The following CNTN4 variants were observed in gnomAD, a reference collection of about 807,000 sequenced individuals.
CNTN4 encodes contactin-4.
CNTN4 carries 77 observed loss-of-function variants against 122.5 expected under a neutral mutation model. That is an observed-to-expected ratio of 0.63 (90% CI 0.52 to 0.76). The LOEUF (loss-of-function observed/expected upper bound fraction) is 0.76, where lower values mean the gene tolerates loss of function less well. Ranked by LOEUF, CNTN4 falls within the 30% of genes least tolerant of loss-of-function variation. CNTN4 has a pLI of 0.00. For missense variants in CNTN4, 1,256 were observed against 1,259.1 expected (o/e 1.00, Z 0.04); for synonymous variants, 512 against 447.0 (o/e 1.15, Z -1.83).
At chr3:2,708,100 G>A (rs1030964172) in intron 4 of CNTN4, among the ~76,000 whole-genome samples, 6 of 152,100 alleles carry the variant, frequency 3.9e-5, no homozygotes, top group Non-Finnish European at 7.4e-5. Context: ...TGCCTTCAGG[G>A]TAGGAAGCTG....
chr3:2,168,048 G>A (rs528214654), intron 2 of CNTN4, among the ~76,000 whole-genome samples: 11 of 152,234 alleles, frequency 7.2e-5, no homozygotes, highest in Admixed American at 3.9e-4. Context: ...CAGGAGGATC[G>A]CTTGAGTCCA....
At chr3:2,608,778 A>T (rs2081362598) in intron 4 of CNTN4, among the ~76,000 whole-genome samples, 1 of 152,236 alleles carries the variant, frequency 6.6e-6, no homozygotes, top group Admixed American at 6.5e-5. Context: ...GAGCAACTGC[A>T]CTTTGCCCCT....
intron 2 of CNTN4, among the ~76,000 whole-genome samples, chr3:2,150,366 C>T (rs747472331): frequency 9.9e-5 from 15 of 152,172 alleles, no homozygotes; most frequent in Non-Finnish European, 1.8e-4. Flanking sequence ...TATTTCTTAA[C>T]GTAGACTTCT....
chr3:2,778,213 C>CAAATAAATAAAT (rs60613605), intron 6 of CNTN4, among the ~76,000 whole-genome samples: 3,493 of 118,296 alleles, frequency 0.03, 55 homozygotes, highest in Non-Finnish European at 0.041. Flanking sequence ...GACTCCGTCT[C>CAAATAAATAAAT]AAATAAATAA....
At chr3:2,706,091 A>G (rs1257262625) in intron 4 of CNTN4, among the ~76,000 whole-genome samples, 2 of 149,382 alleles carry the variant, frequency 1.3e-5, no homozygotes, top group Non-Finnish European at 1.5e-5. Flanking sequence ...TAAAGTTCTC[A>G]TCTTCTTTGG....
At chr3:2,416,820 A>AT (rs1386085270) in intron 3 of CNTN4, among the ~76,000 whole-genome samples, 1 of 151,858 alleles carries the variant, frequency 6.6e-6, no homozygotes. Flanking sequence ...CGCCCGGCTA[A>AT]TTTTTTTGTA....
At position 3,026,323 on chromosome 3, in the gene CNTN4, C is replaced by G. The variant is rs765428792; in HGVS notation, c.1662+46C>G. 9.6e-6 allele frequency: 14 copies of G among 1,461,882 alleles called. No homozygotes were observed. The South Asian group carries it at 1.6e-4, about 17-fold the overall frequency. The allele number at this position is 1,461,882 out of a possible 1,614,324, so 90.6% of individuals were successfully genotyped here. A position where few individuals can be genotyped will look rare whatever the true frequency, so the allele number is the denominator to read the frequency against. ...CTGACTCAAACTAACTTGTTTAGAC[C>G]AACTTAACAATATATTTAAAGTTAC... On this transcript the variant is annotated intron_variant, in intron 15 of 24. Coordinates refer to ENST00000418658, the MANE Select transcript of CNTN4 (RefSeq NM_175607.3).
chr3:2,298,357 A>T (rs1207004727), intron 2 of CNTN4, among the ~76,000 whole-genome samples: 1 of 152,130 alleles, frequency 6.6e-6, no homozygotes, highest in African/African-American at 2.4e-5. Context: ...AGTCAGAATT[A>T]GTATATTAAT....
At chr3:2,653,238 C>T (rs186901472) in intron 4 of CNTN4, among the ~76,000 whole-genome samples, 23 of 151,986 alleles carry the variant, frequency 1.5e-4, no homozygotes, top group African/African-American at 5.3e-4. Flanking sequence ...TTTTATTAAT[C>T]ATTAAGTTAT....
At chr3:2,528,638 G>T (rs1252133092) in intron 3 of CNTN4, among the ~76,000 whole-genome samples, 1 of 152,102 alleles carries the variant, frequency 6.6e-6, no homozygotes, top group Non-Finnish European at 1.5e-5. Context: ...GCATTATTGA[G>T]ATTATAGGTG....
At chr3:2,471,466 A>T (rs767925072) in intron 3 of CNTN4, among the ~76,000 whole-genome samples, 7 of 152,220 alleles carry the variant, frequency 4.6e-5, no homozygotes, top group Non-Finnish European at 8.8e-5. Flanking sequence ...TTCTAGAACT[A>T]ATGGAATAAT....
intron 3 of CNTN4, among the ~76,000 whole-genome samples, chr3:2,428,666 G>C (rs2047939388): frequency 6.6e-6 from 1 of 152,092 alleles, no homozygotes; most frequent in Non-Finnish European, 1.5e-5. Flanking sequence ...CTGCAGAGTG[G>C]TTTTCCAACT....
At chr3:2,472,243 TC>T (rs2075707853) in intron 3 of CNTN4, among the ~76,000 whole-genome samples, 1 of 152,156 alleles carries the variant, frequency 6.6e-6, no homozygotes, top group Admixed American at 6.5e-5. Flanking sequence ...TGTTGTTTGT[TC>T]ATTCATTTGT....
intron 2 of CNTN4, among the ~76,000 whole-genome samples, chr3:2,270,393 A>G (rs2041243841): frequency 1.3e-5 from 2 of 152,082 alleles, no homozygotes; most frequent in South Asian, 4.1e-4. Context: ...TAGCCAGTTT[A>G]AAGTGTGTAC....
At chr3:2,835,136 A>C (rs1323091912) in intron 7 of CNTN4, among the ~76,000 whole-genome samples, 1 of 151,290 alleles carries the variant, frequency 6.6e-6, no homozygotes, top group Non-Finnish European at 1.5e-5. Context: ...CGATCTCCTG[A>C]TCTCGCGATC....
intron 2 of CNTN4, among the ~76,000 whole-genome samples, chr3:2,172,225 A>G (rs890915091): frequency 5.9e-5 from 9 of 152,214 alleles, no homozygotes; most frequent in Non-Finnish European, 1.2e-4. Flanking sequence ...TCAGCCATAA[A>G]AAAAAACGAA....
intron 3 of CNTN4, among the ~76,000 whole-genome samples, chr3:2,544,709 G>A (rs909880245): frequency 1.3e-5 from 2 of 151,232 alleles, no homozygotes; most frequent in African/African-American, 2.4e-5. Context: ...TGGGGTCAGT[G>A]GTAATGTCCC....
chr3:2,744,974 C>T lies in CNTN4; in HGVS notation c.183-548C>T, dbSNP rs962672376. ...TGAAGGAGCTCTTCAAAGTGATCCA[C>T]GGTTAAAGCAGGTTTGGTCCCCACA... On this transcript the variant is annotated intron_variant, in intron 5 of 24. Transcript: ENST00000418658. 3.3e-5 allele frequency among the ~76,000 whole-genome samples: 5 copies of T among 152,130 alleles called. No homozygotes were observed. The East Asian group carries it at 7.7e-4, about 23-fold the overall frequency.
intron 4 of CNTN4, among the ~76,000 whole-genome samples, chr3:2,694,373 T>G (rs886105405): frequency 6.6e-6 from 1 of 152,226 alleles, no homozygotes; most frequent in Non-Finnish European, 1.5e-5. Context: ...TACTTATAGA[T>G]CTAGAGTTTC....
Sources: allele counts gnomAD v4.1 joint callset (sites outside exome capture counted in the v4.1 genomes callset), GRCh38; gene constraint gnomAD v4.1.1; transcripts MANE v1.5; gene names NCBI Gene and HGNC (gene_info 2026-07-23, HGNC 2026-07-21).